The following SFXN1 variants were observed in gnomAD, a reference collection of about 807,000 sequenced individuals.
SFXN1 encodes the protein sideroflexin 1, also known as sideroflexin-1.
Under a neutral mutation model 39.5 loss-of-function variants are expected in SFXN1, and 32 were observed. The observed-to-expected ratio is 0.81, with a 90% CI of 0.61 to 1.09. SFXN1 has a LOEUF of 1.09. Among genes scored for constraint, SFXN1 ranks in the 50% least tolerant of loss-of-function variants. The pLI, the probability that SFXN1 is intolerant of heterozygous loss-of-function variation, is 0.00. For synonymous variants in SFXN1, 136 were observed against 146.5 expected, an observed-to-expected ratio of 0.93 and a Z score of 0.52; for missense variants, 402 against 407.1, an observed-to-expected ratio of 0.99 and a Z score of 0.11.
At chr5:175,510,042 C>T (rs1224972249) in intron 3 of SFXN1, 67 bp from the exon 4 acceptor site, 2 of 1,329,124 alleles carry the variant, frequency 1.5e-6, no homozygotes, top group African/African-American at 1.4e-5. Flanking sequence ...CTGGTGTTCA[C>T]GTTTTCTGTT....
At chr5:175,494,339 A>G (rs1331029962) in intron 2 of SFXN1, among the ~76,000 whole-genome samples, 1 of 152,232 alleles carries the variant, frequency 6.6e-6, no homozygotes, top group Non-Finnish European at 1.5e-5. Context: ...CAATCTTTTC[A>G]TCTCTACGCT....
rs1166870226 is a variant in SFXN1 at position 175,529,338 on chromosome 5, C to CA, written c.*2618dup. ...GGGCAACAAGAGCGAAACTCCATCTCAAAAAAAAAAAAAAGAGATTATAAA... is the reference window on the plus strand; with the variant it reads ...GGGCAACAAGAGCGAAACTCCATCTCAAAAAAAAAAAAAAAGAGATTATAAA... On this transcript the variant is annotated 3_prime_UTR_variant, in exon 11 of 11. Coordinates refer to ENST00000321442, the MANE Select transcript of SFXN1 (RefSeq NM_022754.7). The CA allele has an allele frequency of 0.06, 6,997 of 116,898 alleles. 268 individuals carry two copies. Among genetic ancestry groups the CA allele is most frequent in the Admixed American group, 0.12 (1,418 of 11,494 alleles). The allele number at this position is 116,898 out of a possible 1,614,324, so 7.2% of individuals were successfully genotyped here. A position where few individuals can be genotyped will look rare whatever the true frequency, so the allele number is the denominator to read the frequency against.
intron 2 of SFXN1, among the ~76,000 whole-genome samples, chr5:175,504,030 T>G (rs1395669993): frequency 9.7e-5 from 12 of 123,568 alleles, no homozygotes; most frequent in South Asian, 2.5e-4. Flanking sequence ...AGGGATCCTA[T>G]GGAATACTTA....
chr5:175,495,898 AG>A (rs1759841425), intron 2 of SFXN1, among the ~76,000 whole-genome samples: 1 of 143,014 alleles, frequency 7.0e-6, no homozygotes, highest in Non-Finnish European at 1.5e-5. Flanking sequence ...AGAGATTAAA[AG>A]TGGCTTTTTT....
At chr5:175,494,876 A>G (rs542885805) in intron 2 of SFXN1, among the ~76,000 whole-genome samples, 85 of 152,348 alleles carry the variant, frequency 5.6e-4, no homozygotes, top group African/African-American at 2.0e-3. Context: ...GCCATAATAT[A>G]AGGTGATTCC....
At chr5:175,485,180 A>G (rs1759404115) in intron 1 of SFXN1, among the ~76,000 whole-genome samples, 1 of 152,198 alleles carries the variant, frequency 6.6e-6, no homozygotes, top group Non-Finnish European at 1.5e-5. Flanking sequence ...TCCAGTTGGT[A>G]TTTCTTATGC....
At chr5:175,505,966 G>A (rs1561665612) in intron 2 of SFXN1, among the ~76,000 whole-genome samples, 1 of 152,136 alleles carries the variant, frequency 6.6e-6, no homozygotes, top group Non-Finnish European at 1.5e-5. Flanking sequence ...ATAGGCGCCT[G>A]CCACCATGCC....
At chr5:175,493,184 C>A (rs567773172) in intron 2 of SFXN1, among the ~76,000 whole-genome samples, 1 of 151,846 alleles carries the variant, frequency 6.6e-6, no homozygotes, top group Non-Finnish European at 1.5e-5. Context: ...AGCCAGGAGG[C>A]AGAGCCGGCA....
At chr5:175,486,686 GAGGATCA>G (rs2113264709) in intron 1 of SFXN1, among the ~76,000 whole-genome samples, 1 of 152,246 alleles carries the variant, frequency 6.6e-6, no homozygotes, top group Non-Finnish European at 1.5e-5. Context: ...GCTGAGGTGG[GAGGATCA>G]CCTGAGCCCA....
intron 10 of SFXN1, chr5:175,524,121 AAAAAATATATATATAT>A (rs1212628854): frequency 2.5e-3 from 87 of 35,156 alleles, no homozygotes; most frequent in South Asian, 3.7e-3. Context: ...AAAAAAAAAA[AAAAAATATATATATAT>A]ATATATATAT....
At chr5:175,511,717 A>G in intron 5 of SFXN1, 191 bp downstream of exon 5, 2 of 599,854 alleles carry the variant, frequency 3.3e-6, no homozygotes, top group Non-Finnish European at 5.9e-6. Context: ...AACACCTACC[A>G]GGACTGTGGT....
At chr5:175,506,394 A>C (rs995045317) in intron 2 of SFXN1, among the ~76,000 whole-genome samples, 1 of 152,236 alleles carries the variant, frequency 6.6e-6, no homozygotes, top group Non-Finnish European at 1.5e-5. Context: ...TTTTTTAAAA[A>C]AAGACTAGTC....
At chr5:175,482,700 A>G (rs566202811) in intron 1 of SFXN1, among the ~76,000 whole-genome samples, 2 of 152,312 alleles carry the variant, frequency 1.3e-5, no homozygotes, top group East Asian at 1.9e-4. Flanking sequence ...TACCAACTCT[A>G]TGAGCCAACT....
At chr5:175,506,205 C>T (rs985127075) in intron 2 of SFXN1, among the ~76,000 whole-genome samples, 6 of 152,132 alleles carry the variant, frequency 3.9e-5, no homozygotes, top group Admixed American at 1.3e-4. Context: ...CTAGAAATAT[C>T]GGTGAACATT....
At chr5:175,482,237 A>G (rs1466349524) in intron 1 of SFXN1, among the ~76,000 whole-genome samples, 1 of 152,216 alleles carries the variant, frequency 6.6e-6, no homozygotes, top group Non-Finnish European at 1.5e-5. Context: ...AAACTGGGCA[A>G]TCAGACCCTT....
chr5:175,520,127 C>G (rs966356934), intron 8 of SFXN1, among the ~76,000 whole-genome samples: 5 of 151,832 alleles, frequency 3.3e-5, no homozygotes, highest in Non-Finnish European at 7.4e-5. Flanking sequence ...CTCAGCCTCC[C>G]AAAGTGTTGG....
intron 1 of SFXN1, among the ~76,000 whole-genome samples, chr5:175,486,296 G>A (rs1366943263): frequency 1.3e-5 from 2 of 152,224 alleles, no homozygotes; most frequent in Non-Finnish European, 2.9e-5. Flanking sequence ...TGCCCTGGAG[G>A]CTGCTCCTGC....
intron 10 of SFXN1, among the ~76,000 whole-genome samples, chr5:175,524,601 C>T (rs541032857): frequency 6.7e-6 from 1 of 150,014 alleles, no homozygotes; most frequent in Non-Finnish European, 1.5e-5. Flanking sequence ...AAAATCAATG[C>T]ACTAAATGTC....
chr5:175,523,459 A>G (rs983443107), intron 10 of SFXN1: 1 of 152,208 alleles, frequency 6.6e-6, no homozygotes, highest in Admixed American at 6.5e-5. Flanking sequence ...TGGCTTATGA[A>G]CACTGGTGTT....
Sources: allele counts gnomAD v4.1 joint callset (sites outside exome capture counted in the v4.1 genomes callset), GRCh38; gene constraint gnomAD v4.1.1; transcripts MANE v1.5; gene names NCBI Gene and HGNC (gene_info 2026-07-23, HGNC 2026-07-21).